RARB: variants seen among roughly 807,000 people sequenced by gnomAD.
RARB encodes HBV-activated protein.
A neutral mutation model predicts 51.9 loss-of-function variants in RARB; 17 were observed. The observed-to-expected ratio is 0.33, with a 90% CI of 0.22 to 0.49. The LOEUF (loss-of-function observed/expected upper bound fraction) is 0.49. Ranked by LOEUF, RARB falls within the 20% of genes least tolerant of loss-of-function variation. The pLI is 0.99. For synonymous variants in RARB, 215 were observed against 195.4 expected, an observed-to-expected ratio of 1.10 and a Z score of -0.84; for missense variants, 369 against 550.8, an observed-to-expected ratio of 0.67 and a Z score of 3.30.
intron 5 of RARB, among the ~76,000 whole-genome samples, chr3:25,224,676 T>C (rs759800546): frequency 4.6e-5 from 7 of 152,124 alleles, no homozygotes; most frequent in Admixed American, 1.3e-4. Context: ...GGCATGATAA[T>C]GGCTCACTGT....
chr3:25,125,323 G>A (rs1373478318), intron 3 of RARB, among the ~76,000 whole-genome samples: 1 of 152,146 alleles, frequency 6.6e-6, no homozygotes, highest in Non-Finnish European at 1.5e-5. Flanking sequence ...TTATTTGCCT[G>A]GGAGGGTACT....
chr3:25,097,197 A>G (rs1281366964), intron 3 of RARB, among the ~76,000 whole-genome samples: 2 of 152,154 alleles, frequency 1.3e-5, no homozygotes, highest in Non-Finnish European at 2.9e-5. Context: ...ACTAAACAAT[A>G]CACGCATGAC....
intron 5 of RARB, among the ~76,000 whole-genome samples, chr3:25,236,059 T>G (rs2125393199): frequency 1.3e-5 from 2 of 152,304 alleles, no homozygotes; most frequent in South Asian, 4.1e-4. Context: ...TAACTCTATC[T>G]TCTTTGGTAT....
At chr3:25,327,001 C>A (rs978102208) in intron 5 of RARB, among the ~76,000 whole-genome samples, 4 of 152,052 alleles carry the variant, frequency 2.6e-5, no homozygotes, top group Non-Finnish European at 5.9e-5. Context: ...CCTCCCACCC[C>A]ACAACAGTCC....
At chr3:24,933,844 C>T (rs1049859648) in intron 2 of RARB, among the ~76,000 whole-genome samples, 5 of 151,802 alleles carry the variant, frequency 3.3e-5, no homozygotes, top group African/African-American at 1.2e-4. Flanking sequence ...AAGGAAGGAT[C>T]GAACAAAGCA....
At chr3:25,097,007 GTA>G (rs1211250315) in intron 3 of RARB, among the ~76,000 whole-genome samples, 1 of 152,162 alleles carries the variant, frequency 6.6e-6, no homozygotes, top group Non-Finnish European at 1.5e-5. Context: ...AATAAAAGAG[GTA>G]TCTTCACCAC....
chr3:25,101,566 T>G (rs1699400642), intron 3 of RARB, among the ~76,000 whole-genome samples: 1 of 152,098 alleles, frequency 6.6e-6, no homozygotes, highest in South Asian at 2.1e-4. Context: ...ATATCATTTT[T>G]GTTATTTTAA....
chr3:25,199,091 C>A (rs1701318618), intron 5 of RARB, among the ~76,000 whole-genome samples: 1 of 152,074 alleles, frequency 6.6e-6, no homozygotes, highest in African/African-American at 2.4e-5. Flanking sequence ...TATGTATACA[C>A]AATGGAGTAC....
intron 2 of RARB, among the ~76,000 whole-genome samples, chr3:25,474,898 T>C (rs1168755104): frequency 6.6e-6 from 1 of 152,224 alleles, no homozygotes; most frequent in Non-Finnish European, 1.5e-5. Context: ...AATTCTTGCC[T>C]GTTGACCAAA....
At chr3:25,080,943 CTT>C (rs1698981943) in intron 3 of RARB, among the ~76,000 whole-genome samples, 1 of 151,742 alleles carries the variant, frequency 6.6e-6, no homozygotes, top group Non-Finnish European at 1.5e-5. Flanking sequence ...TTTTAAAAAA[CTT>C]TTGATTTTGT....
intron 5 of RARB, among the ~76,000 whole-genome samples, chr3:25,225,216 T>C (rs1702030332): frequency 6.6e-6 from 1 of 152,158 alleles, no homozygotes; most frequent in African/African-American, 2.4e-5. Context: ...TAAAATACTC[T>C]GATAGTACAA....
chr3:25,018,924 T>C (rs866112129), intron 2 of RARB, among the ~76,000 whole-genome samples: 2 of 152,280 alleles, frequency 1.3e-5, no homozygotes, highest in South Asian at 4.1e-4. Context: ...CCCCTTCCCA[T>C]CCAACTTAAG....
chr3:25,420,989 G>T (rs1427806702), intron 5 of RARB, among the ~76,000 whole-genome samples: 1 of 100,612 alleles, frequency 9.9e-6, no homozygotes, highest in Admixed American at 1.1e-4. Context: ...CACCACTTAT[G>T]CCAAAAAAAA....
At chr3:25,450,458 C>A (rs1312148512) in intron 1 of RARB, among the ~76,000 whole-genome samples, 1 of 152,162 alleles carries the variant, frequency 6.6e-6, no homozygotes, top group East Asian at 1.9e-4. Context: ...GAATTAGGAA[C>A]TGAGCTCATA....
intron 3 of RARB, among the ~76,000 whole-genome samples, chr3:25,111,932 G>A (rs1215947176): frequency 6.6e-6 from 1 of 151,934 alleles, no homozygotes; most frequent in African/African-American, 2.4e-5. Context: ...CCTTTGATTT[G>A]GATATGTTTT....
At chr3:24,840,637 C>T (rs1257863722) in intron 1 of RARB, among the ~76,000 whole-genome samples, 1 of 151,024 alleles carries the variant, frequency 6.6e-6, no homozygotes, top group Non-Finnish European at 1.5e-5. Flanking sequence ...AAAGGGTTGC[C>T]TGAAACAATG....
chr3:25,328,364 A>G (rs1704786496), intron 5 of RARB, among the ~76,000 whole-genome samples: 1 of 152,246 alleles, frequency 6.6e-6, no homozygotes, highest in Non-Finnish European at 1.5e-5. Context: ...TACTAAAAAT[A>G]CAAAAATTAG....
chr3:25,447,535 A>T lies in RARB; in HGVS notation c.158-13658A>T, dbSNP rs560104328. On this transcript the variant is annotated intron_variant, in intron 1 of 7. Coordinates refer to ENST00000330688, the MANE Select transcript of RARB (RefSeq NM_000965.5). ...TGTCAGCAGTTGATGTTGCTGACTG[A>T]TAATCACTGCCTTCTGCTCCCCAAA... Among the ~76,000 whole-genome samples the T allele has an allele frequency of 3.3e-3, 502 of 152,320 alleles. 2 individuals carry two copies. Among genetic ancestry groups the T allele is most frequent in the African/African-American group, 0.011 (474 of 41,580 alleles).
intron 3 of RARB, among the ~76,000 whole-genome samples, chr3:25,098,873 C>G (rs943144067): frequency 2.0e-5 from 3 of 152,186 alleles, no homozygotes; most frequent in Non-Finnish European, 2.9e-5. Context: ...CAACCCCTTA[C>G]CCCTGCAAAA....
Sources: allele counts gnomAD v4.1 joint callset (sites outside exome capture counted in the v4.1 genomes callset), GRCh38; gene constraint gnomAD v4.1.1; transcripts MANE v1.5; gene names NCBI Gene and HGNC (gene_info 2026-07-23, HGNC 2026-07-21).